CMC1: variants seen among roughly 807,000 people sequenced by gnomAD.
CMC1 encodes COX assembly mitochondrial protein homolog.
A neutral mutation model predicts 14.1 loss-of-function variants in CMC1; 14 were observed. The ratio of observed to expected loss-of-function variants is 0.99; its 90% confidence interval spans 0.66 to 1.55. The LOEUF is 1.55. Ranked by LOEUF, CMC1 falls within the 40% of genes most tolerant of loss-of-function variation. The pLI is 0.00. For missense variants in CMC1, 127 were observed against 123.8 expected (o/e 1.03, Z -0.12); for synonymous variants, 50 against 38.4 (o/e 1.30, Z -1.12).
rs141125725 is a variant in CMC1 at position 28,305,950 on chromosome 3, C to T, written c.110-10383C>T. 9.8e-4 allele frequency among the ~76,000 whole-genome samples: 149 copies of T among 151,872 alleles called. 1 individual carries two copies. The East Asian group carries it at 0.014, about 15-fold the overall frequency. On this transcript the variant is annotated intron_variant, in intron 2 of 3. Transcript: ENST00000466830. ...CCATTTATTGAATAAAGTATCCTCT[C>T]CCCAGTGTTTATTTTTATTTACTTT...
intron 2 of CMC1, among the ~76,000 whole-genome samples, chr3:28,302,474 C>A (rs1427719320): frequency 1.3e-5 from 2 of 152,064 alleles, no homozygotes; most frequent in African/African-American, 4.8e-5. Flanking sequence ...TCTATGTGAT[C>A]TTTTAAAAAA....
chr3:28,315,786 T>C (rs1270591144), intron 2 of CMC1: 1 of 152,214 alleles, frequency 6.6e-6, no homozygotes, highest in East Asian at 1.9e-4. Context: ...TCTGTTATAA[T>C]TGCCTGCAGT....
At chr3:28,309,941 C>CCACACACACACA (rs57007112) in intron 2 of CMC1, among the ~76,000 whole-genome samples, 4 of 132,490 alleles carry the variant, frequency 3.0e-5, no homozygotes, top group Admixed American at 7.5e-5. Flanking sequence ...CTGACGTCCA[C>CCACACACACACA]CACACACACA....
At chr3:28,299,027 A>G (rs1291421755) in intron 2 of CMC1, among the ~76,000 whole-genome samples, 1 of 151,998 alleles carries the variant, frequency 6.6e-6, no homozygotes, top group African/African-American at 2.4e-5. Context: ...ATTCCTAACT[A>G]CTTGAGCTGA....
In CMC1 at chr3:28,258,060, T is replaced by TTATATATATATA. The variant is rs56153777; in HGVS notation, c.20-5216_20-5205dup. Among the ~76,000 whole-genome samples the TTATATATATATA allele has an allele frequency of 8.9e-3, 1,206 of 135,346 alleles. 11 individuals carry two copies. The highest frequency in any genetic ancestry group is 0.011 in the African/African-American group (393 of 34,748). 88.8% of individuals were successfully genotyped at this position (135,346 alleles called of 152,430 possible). On this transcript the variant is annotated intron_variant, in intron 1 of 3. Coordinates refer to ENST00000466830, the MANE Select transcript of CMC1 (RefSeq NM_182523.2). ...TCTTGATTAATGATTTTGAGCACCT[T>TTATATATATATA]TATATATATATATATATATATATAT... is the stretch of plus-strand genomic sequence containing the variant.
At chr3:28,254,778 C>A (rs569292975) in intron 1 of CMC1, among the ~76,000 whole-genome samples, 4 of 152,132 alleles carry the variant, frequency 2.6e-5, no homozygotes, top group South Asian at 4.1e-4. Context: ...AAAAAAGTAA[C>A]AATTTGAAAT....
intron 2 of CMC1, chr3:28,293,012 T>C (rs1416129419): frequency 6.6e-6 from 1 of 152,198 alleles, no homozygotes; most frequent in Non-Finnish European, 1.5e-5. Context: ...TCCATACTAT[T>C]GAGAGTATTT....
rs990525891 is a variant in CMC1 at position 28,323,943 on chromosome 3, T to C, written c.*4314T>C. ...ATAGATACTGAAGACCTCTGCAAAA[T>C]TTTAATCAAAATCTCCTTTCAGTTT... is the stretch of plus-strand genomic sequence containing the variant. On this transcript the variant is annotated 3_prime_UTR_variant, in exon 4 of 4. Coordinates refer to ENST00000466830, the MANE Select transcript of CMC1 (RefSeq NM_182523.2). The C allele has an allele frequency of 1.0e-5, 14 of 1,400,154 alleles. No individual in the cohort carries two copies. Among genetic ancestry groups the C allele is most frequent in the Non-Finnish European group, 1.4e-5 (14 of 1,031,014 alleles). 86.7% of individuals were successfully genotyped at this position (1,400,154 alleles called of 1,614,324 possible).
intron 2 of CMC1, among the ~76,000 whole-genome samples, chr3:28,267,192 C>T (rs931029163): frequency 7.2e-5 from 11 of 151,936 alleles, no homozygotes; most frequent in African/African-American, 1.7e-4. Context: ...TATTGTTTGC[C>T]GTATATAGGT....
intron 2 of CMC1, among the ~76,000 whole-genome samples, chr3:28,284,413 A>ATCC (rs1701061993): frequency 1.3e-4 from 20 of 152,332 alleles, no homozygotes; most frequent in Admixed American, 1.2e-3. Flanking sequence ...CACAGGCTAA[A>ATCC]TCAGTGATCC....
intron 2 of CMC1, among the ~76,000 whole-genome samples, chr3:28,300,426 A>C (rs988331628): frequency 1.3e-5 from 2 of 152,166 alleles, no homozygotes; most frequent in Non-Finnish European, 2.9e-5. Flanking sequence ...GAGATACAGT[A>C]GGGTTCCCCA....
At chr3:28,261,682 A>G (rs537971291) in intron 1 of CMC1, among the ~76,000 whole-genome samples, 14 of 152,260 alleles carry the variant, frequency 9.2e-5, no homozygotes, top group Non-Finnish European at 1.8e-4. Context: ...ATTGTTTTAC[A>G]TCACTAAATT....
Position 28,271,802 on chromosome 3 carries a change from A to G in CMC1, c.109+8422A>G, listed in dbSNP as rs920079034. ...GTGTAATGGGAATAGCATTGAATCTATAAATTACTTTGGGCAGTATGGCCA... is the reference window on the plus strand; with the variant it reads ...GTGTAATGGGAATAGCATTGAATCTGTAAATTACTTTGGGCAGTATGGCCA... On this transcript the variant is annotated intron_variant, in intron 2 of 3. Coordinates refer to ENST00000466830, the MANE Select transcript of CMC1 (RefSeq NM_182523.2). Among the ~76,000 whole-genome samples the G allele has an allele frequency of 7.2e-5, 11 of 152,336 alleles. No homozygotes were observed. The East Asian group carries it at 1.9e-3, about 27-fold the overall frequency.
intron 2 of CMC1, among the ~76,000 whole-genome samples, chr3:28,310,559 T>C (rs1200499881): frequency 6.6e-6 from 1 of 152,236 alleles, no homozygotes; most frequent in Non-Finnish European, 1.5e-5. Context: ...TAATTTTTTC[T>C]TTTTCGTTCT....
chr3:28,281,757 C>T (rs1264041270), intron 2 of CMC1, among the ~76,000 whole-genome samples: 1 of 152,084 alleles, frequency 6.6e-6, no homozygotes, highest in African/African-American at 2.4e-5. Flanking sequence ...GCAGGTGAGA[C>T]TTAATGAAGT....
At chr3:28,258,744 G>A (rs898478387) in intron 1 of CMC1, among the ~76,000 whole-genome samples, 53 of 149,412 alleles carry the variant, frequency 3.5e-4, no homozygotes, top group Non-Finnish European at 6.4e-4. Context: ...CTCAGCCTCC[G>A]GAGTAGCTGG....
rs557478855 is a variant in CMC1 at position 28,265,793 on chromosome 3, A to G, written c.109+2413A>G. Among the ~76,000 whole-genome samples the G allele has an allele frequency of 6.6e-5, 10 of 152,324 alleles. No individual in the cohort carries two copies. The South Asian group carries it at 1.9e-3, about 28-fold the overall frequency. On this transcript the variant is annotated intron_variant, in intron 2 of 3. Transcript: ENST00000466830. ...ACCAACAGCAGTTATTGACAGCTAC[A>G]CTTCCTATTAACAAGGAGCATTTAA...
At position 28,324,953 on chromosome 3, in the gene CMC1, C is replaced by T. The variant is rs1351081567; in HGVS notation, c.*5324C>T. 1 of 150,758 alleles carries T rather than the reference C, an allele frequency of 6.6e-6. No homozygotes were observed. Among genetic ancestry groups the T allele is most frequent in the African/African-American group, 2.4e-5 (1 of 41,204 alleles). The allele number at this position is 150,758 out of a possible 1,614,324, so 9.3% of individuals were successfully genotyped here. A position where few individuals can be genotyped will look rare whatever the true frequency, so the allele number is the denominator to read the frequency against. On this transcript the variant is annotated 3_prime_UTR_variant, in exon 4 of 4. Transcript: ENST00000466830. ...CTCAAACTCTTTGTCCACAGGCAGT[C>T]CAAAAGCAAATTTTTTAGAAATAAT...
intron 2 of CMC1, among the ~76,000 whole-genome samples, chr3:28,270,920 CTTTTTTTTT>C (rs71087680): frequency 1.2e-5 from 1 of 83,738 alleles, no homozygotes; most frequent in East Asian, 3.1e-4. Context: ...GAGTTAATTT[CTTTTTTTTT>C]TTTTTTTTTT....
Sources: gnomAD v4.1 joint callset for allele counts (sites outside exome capture counted in the v4.1 genomes callset) on GRCh38, gnomAD v4.1.1 for gene constraint, MANE v1.5 for transcripts, NCBI Gene and HGNC (gene_info 2026-07-23, HGNC 2026-07-21) for gene names.